Variants in COX7B2 observed in about 807,000 individuals in gnomAD.
The protein encoded by COX7B2 is cytochrome c oxidase subunit 7B2, mitochondrial.
For missense variants in COX7B2, 109 were observed against 95.9 expected (o/e 1.14, Z -0.57); for synonymous variants, 37 against 32.1 (o/e 1.15, Z -0.51).
At chr4:46,841,069 G>A (rs1215354957) in intron 2 of COX7B2, among the ~76,000 whole-genome samples, 1 of 151,936 alleles carries the variant, frequency 6.6e-6, no homozygotes, top group Middle Eastern at 3.2e-3. Flanking sequence ...GACAATGGCA[G>A]GCAGTGAGAA....
chr4:46,878,682 C>T (rs1250395812), intron 1 of COX7B2, among the ~76,000 whole-genome samples: 1 of 152,118 alleles, frequency 6.6e-6, no homozygotes, highest in East Asian at 1.9e-4. Flanking sequence ...TTCCTATTAT[C>T]TTAACGCTCC....
intron 1 of COX7B2, among the ~76,000 whole-genome samples, chr4:46,898,058 G>A (rs760739379): frequency 6.6e-6 from 1 of 152,090 alleles, no homozygotes; most frequent in Non-Finnish European, 1.5e-5. Context: ...CATGACTGCT[G>A]TCACCTTTAG....
chr4:46,847,243 T>C (rs145505224), intron 1 of COX7B2, among the ~76,000 whole-genome samples: 2 of 152,106 alleles, frequency 1.3e-5, no homozygotes, highest in East Asian at 1.9e-4. Context: ...TTCTAACCAA[T>C]AGAATATGTG....
intron 2 of COX7B2, among the ~76,000 whole-genome samples, chr4:46,844,255 G>T (rs1409791880): frequency 1.3e-5 from 2 of 151,828 alleles, no homozygotes; most frequent in South Asian, 2.1e-4. Flanking sequence ...CTTAATAAAT[G>T]TCATATTATT....
intron 1 of COX7B2, among the ~76,000 whole-genome samples, chr4:46,854,466 A>G (rs1050807281): frequency 5.9e-5 from 9 of 152,236 alleles, no homozygotes; most frequent in Admixed American, 3.3e-4. Context: ...TAAATTAGAA[A>G]GATAAAATAA....
intron 2 of COX7B2, among the ~76,000 whole-genome samples, chr4:46,737,646 G>C (rs1714445109): frequency 6.6e-6 from 1 of 152,118 alleles, no homozygotes; most frequent in Non-Finnish European, 1.5e-5. Context: ...TTCTTAGATA[G>C]TTACAAGAAA....
chr4:46,839,022 T>G (rs2109749946), intron 2 of COX7B2, among the ~76,000 whole-genome samples: 1 of 152,126 alleles, frequency 6.6e-6, no homozygotes, highest in East Asian at 1.9e-4. Context: ...ATTATAATTT[T>G]TATGTTTTAT....
intron 1 of COX7B2, among the ~76,000 whole-genome samples, chr4:46,848,097 C>T (rs1716414256): frequency 6.6e-6 from 1 of 151,912 alleles, no homozygotes; most frequent in Non-Finnish European, 1.5e-5. Context: ...TCCTTGTAAC[C>T]TAGCCAAGCT....
chr4:46,752,722 T>A (rs1399510380), intron 2 of COX7B2, among the ~76,000 whole-genome samples: 2 of 152,186 alleles, frequency 1.3e-5, no homozygotes, highest in African/African-American at 4.8e-5. Flanking sequence ...GGATTACAAT[T>A]ATTGATTTGC....
At chr4:46,881,320 G>A (rs1718726021) in intron 1 of COX7B2, among the ~76,000 whole-genome samples, 1 of 152,158 alleles carries the variant, frequency 6.6e-6, no homozygotes, top group African/African-American at 2.4e-5. Context: ...GGAAGCAAAG[G>A]CAGGAAGACT....
chr4:46,859,904 G>A (rs1459935366), intron 1 of COX7B2, among the ~76,000 whole-genome samples: 1 of 152,108 alleles, frequency 6.6e-6, no homozygotes, highest in Admixed American at 6.5e-5. Context: ...TCCTACTCTG[G>A]GTGCACTGCC....
At chr4:46,775,267 C>T (rs1168139725) in intron 2 of COX7B2, among the ~76,000 whole-genome samples, 1 of 152,048 alleles carries the variant, frequency 6.6e-6, no homozygotes, top group African/African-American at 2.4e-5. Context: ...CAGTATTTTG[C>T]AAACCAGAGT....
At chr4:46,871,764 A>C (rs1230244241) in intron 1 of COX7B2, among the ~76,000 whole-genome samples, 1 of 152,164 alleles carries the variant, frequency 6.6e-6, no homozygotes, top group Non-Finnish European at 1.5e-5. Context: ...GAAAAATGCC[A>C]ATCAAAAACA....
chr4:46,768,745 A>G (rs1390562036), intron 2 of COX7B2, among the ~76,000 whole-genome samples: 2 of 152,184 alleles, frequency 1.3e-5, no homozygotes, highest in African/African-American at 2.4e-5. Flanking sequence ...TGAAAGAATC[A>G]AAAAAATACA....
intron 1 of COX7B2, among the ~76,000 whole-genome samples, chr4:46,865,730 T>C (rs536118494): frequency 3.3e-5 from 5 of 152,282 alleles, no homozygotes; most frequent in East Asian, 1.9e-4. Flanking sequence ...GAAAACTCTA[T>C]AGTAAATATT....
chr4:46,873,812 C>T (rs150325361), intron 1 of COX7B2, among the ~76,000 whole-genome samples: 4 of 152,092 alleles, frequency 2.6e-5, no homozygotes, highest in Non-Finnish European at 4.4e-5. Flanking sequence ...TAATGCTATC[C>T]CTCCCCCTTC....
At chr4:46,778,099 C>G (rs1221384152) in intron 2 of COX7B2, among the ~76,000 whole-genome samples, 5 of 152,010 alleles carry the variant, frequency 3.3e-5, no homozygotes, top group African/African-American at 9.7e-5. Context: ...TTCACAAAGA[C>G]AAAGAGCATT....
chr4:46,881,013 T>C (rs1331814285), intron 1 of COX7B2, among the ~76,000 whole-genome samples: 2 of 116,054 alleles, frequency 1.7e-5, no homozygotes, highest in African/African-American at 3.0e-5. Flanking sequence ...AAAAAAAAAC[T>C]CTTGGATTCA....
Position 46,744,042 on chromosome 4 carries a change from C to T in COX7B2, c.-49-8801G>A, listed in dbSNP as rs1030503806. ...CTTCATTATATGATTCTAACTTTGG[C>T]AGTTTTAATATTTGTGCAGATGTTT... On this transcript the variant is annotated intron_variant, in intron 2 of 2. Transcript: ENST00000355591. Among the ~76,000 whole-genome samples, 4 of 152,150 alleles carry T rather than the reference C, an allele frequency of 2.6e-5. No individual in the cohort carries two copies. The East Asian group carries it at 7.7e-4, about 29-fold the overall frequency.
Sources: allele counts gnomAD v4.1 joint callset (sites outside exome capture counted in the v4.1 genomes callset), GRCh38; gene constraint gnomAD v4.1.1; transcripts MANE v1.5; gene names NCBI Gene and HGNC (gene_info 2026-07-23, HGNC 2026-07-21).